Variants in HSD17B12 observed in about 807,000 individuals in gnomAD.
HSD17B12 encodes the protein very-long-chain 3-oxoacyl-CoA reductase.
In HSD17B12, 32 loss-of-function variants were observed where a neutral mutation model predicts 39.3. The observed-to-expected ratio is 0.81, with a 90% CI of 0.61 to 1.09. The LOEUF (loss-of-function observed/expected upper bound fraction) is 1.09, where lower values mean the gene tolerates loss of function less well. HSD17B12 is among the 50% of genes least tolerant of loss of function. The pLI, the probability that HSD17B12 is intolerant of heterozygous loss-of-function variation, is 0.00. For missense variants in HSD17B12, 342 were observed against 382.9 expected, an observed-to-expected ratio of 0.89 and a Z score of 0.89; for synonymous variants, 150 against 146.7, an observed-to-expected ratio of 1.02 and a Z score of -0.16.
At chr11:43,842,800 T>A (rs1292043734) in intron 9 of HSD17B12, among the ~76,000 whole-genome samples, 4 of 152,216 alleles carry the variant, frequency 2.6e-5, no homozygotes, top group African/African-American at 9.6e-5. Flanking sequence ...CCATTGGTGA[T>A]TGACTATAAG....
At position 43,735,967 on chromosome 11, in the gene HSD17B12, T is replaced by C. The variant is rs116957390; in HGVS notation, c.161-14944T>C. 7.3e-3 allele frequency among the ~76,000 whole-genome samples: 1,112 copies of C among 152,272 alleles called. 9 individuals are homozygous for C. The highest frequency in any genetic ancestry group is 0.044 in the East Asian group (227 of 5,176). On this transcript the variant is annotated intron_variant, in intron 1 of 10. Transcript: ENST00000278353. Reference sequence around the variant, plus strand: ...CGAGAACAGCATGAGAATTCCTATTTTCATGAGGCCCCTTCCGTGTTACTC... The same window carrying C: ...CGAGAACAGCATGAGAATTCCTATTCTCATGAGGCCCCTTCCGTGTTACTC...
the HSD17B12 span, among the ~76,000 whole-genome samples, chr11:43,653,976 T>A: frequency 1.3e-5 from 2 of 152,202 alleles, no homozygotes; most frequent in African/African-American, 2.4e-5. Context: ...CCACACTGAC[T>A]TCCACAATGG....
chr11:43,587,668 T>C, the HSD17B12 span, among the ~76,000 whole-genome samples: 3 of 152,234 alleles, frequency 2.0e-5, no homozygotes, highest in African/African-American at 2.4e-5. Context: ...GAAGTTTTGA[T>C]GACTAATCTC....
intron 1 of HSD17B12, among the ~76,000 whole-genome samples, chr11:43,683,103 T>C (rs755587267): frequency 8.0e-5 from 11 of 137,970 alleles, no homozygotes; most frequent in Non-Finnish European, 1.6e-4. Context: ...TGTTTTTTTT[T>C]GTTTTTTTTT....
At chr11:43,775,252 A>C (rs1033653152) in intron 3 of HSD17B12, among the ~76,000 whole-genome samples, 1 of 152,144 alleles carries the variant, frequency 6.6e-6, no homozygotes, top group Admixed American at 6.5e-5. Context: ...TGAACAGCGG[A>C]GTCAATTACA....
chr11:43,681,752 G>T (rs557804342), intron 1 of HSD17B12, among the ~76,000 whole-genome samples: 1 of 151,620 alleles, frequency 6.6e-6, no homozygotes, highest in Non-Finnish European at 1.5e-5. Context: ...ACTTGTAGTC[G>T]GAGGATTTTT....
the HSD17B12 span, among the ~76,000 whole-genome samples, chr11:43,658,789 G>A: frequency 1.3e-4 from 20 of 152,186 alleles, no homozygotes; most frequent in Admixed American, 1.3e-3. Context: ...CGTGTGAGGT[G>A]TCAGTCCGCC....
the HSD17B12 span, among the ~76,000 whole-genome samples, chr11:43,607,279 AGTGTGTGT>A: frequency 3.9e-3 from 572 of 145,358 alleles, 1 homozygote; most frequent in South Asian, 5.2e-3. Context: ...TGTGCTCCTG[AGTGTGTGT>A]GTGTGTGTGT....
intron 6 of HSD17B12, chr11:43,830,427 T>C (rs553172680): frequency 6.6e-6 from 1 of 152,348 alleles, no homozygotes; most frequent in African/African-American, 2.4e-5. Flanking sequence ...TTACTAGAGA[T>C]CACATCTTAA....
At chr11:43,773,192 T>TA (rs1355253858) in intron 3 of HSD17B12, among the ~76,000 whole-genome samples, 1 of 152,210 alleles carries the variant, frequency 6.6e-6, no homozygotes, top group Non-Finnish European at 1.5e-5. Context: ...CATTTTATCT[T>TA]ACTAGATTTG....
Position 43,831,081 on chromosome 11 carries a change from T to C in HSD17B12, c.536+71T>C. The C allele has an allele frequency of 7.1e-7, 1 of 1,410,322 alleles. No individual in the cohort carries two copies. Among genetic ancestry groups the C allele is most frequent in the South Asian group, 1.3e-5 (1 of 78,656 alleles). 87.4% of individuals were successfully genotyped at this position (1,410,322 alleles called of 1,614,324 possible). A position where few individuals can be genotyped will look rare whatever the true frequency, so the allele number is the denominator to read the frequency against. On this transcript the variant is annotated intron_variant, in intron 7 of 10. Transcript: ENST00000278353. The surrounding 1 kb of genome is among the most constrained non-coding windows in gnomAD (Gnocchi z 4.1). ...GATTATTTAGAGGGAGAATCCTTGC[T>C]TTGAAAAAATCACTGAAGTGACTAA...
At chr11:43,745,337 T>C (rs575390495) in intron 1 of HSD17B12, among the ~76,000 whole-genome samples, 1 of 152,370 alleles carries the variant, frequency 6.6e-6, no homozygotes, top group African/African-American at 2.4e-5. Context: ...AGATGCACAG[T>C]ACTGAGTGAC....
At chr11:43,647,141 A>G in the HSD17B12 span, among the ~76,000 whole-genome samples, 3 of 151,800 alleles carry the variant, frequency 2.0e-5, no homozygotes, top group Non-Finnish European at 2.9e-5. Context: ...GACCAAAAAA[A>G]TTTTCACTTT....
At chr11:43,794,644 A>T (rs1426766893) in intron 3 of HSD17B12, among the ~76,000 whole-genome samples, 1 of 152,212 alleles carries the variant, frequency 6.6e-6, no homozygotes, top group African/African-American at 2.4e-5. Flanking sequence ...TTGGATGAGG[A>T]TGCTACGGAA....
At chr11:43,715,958 T>C (rs939165191) in intron 1 of HSD17B12, among the ~76,000 whole-genome samples, 20 of 152,204 alleles carry the variant, frequency 1.3e-4, no homozygotes, top group African/African-American at 4.1e-4. Flanking sequence ...TGTGTATCTG[T>C]TTAGTCCTTT....
chr11:43,764,332 A>G (rs1950578230), intron 3 of HSD17B12, among the ~76,000 whole-genome samples: 1 of 152,164 alleles, frequency 6.6e-6, no homozygotes, highest in African/African-American at 2.4e-5. Flanking sequence ...TGAGATTGCC[A>G]GCACATTTAA....
At chr11:43,780,883 C>T (rs1950758490) in intron 3 of HSD17B12, among the ~76,000 whole-genome samples, 1 of 152,126 alleles carries the variant, frequency 6.6e-6, no homozygotes, top group Admixed American at 6.6e-5. Context: ...ATTTGTTTTA[C>T]ATACTTTATT....
intron 1 of HSD17B12, among the ~76,000 whole-genome samples, chr11:43,695,736 G>A (rs1949905440): frequency 2.0e-5 from 3 of 151,946 alleles, no homozygotes; most frequent in Non-Finnish European, 4.4e-5. Flanking sequence ...AATGGGCTTA[G>A]GTTCTACCAG....
chr11:43,683,791 A>T (rs946612857), intron 1 of HSD17B12, among the ~76,000 whole-genome samples: 1 of 152,134 alleles, frequency 6.6e-6, no homozygotes, highest in Non-Finnish European at 1.5e-5. Context: ...TTTTATTAGT[A>T]TATGTTGAAT....
Sources: allele counts gnomAD v4.1 joint callset (sites outside exome capture counted in the v4.1 genomes callset), GRCh38; gene constraint gnomAD v4.1.1; non-coding constraint Gnocchi (gnomAD v3.1); transcripts MANE v1.5; gene names NCBI Gene and HGNC (gene_info 2026-07-23, HGNC 2026-07-21).